The following MED25 variants were observed in gnomAD, a reference collection of about 807,000 sequenced individuals.
MED25 encodes mediator complex subunit 25.
MED25 carries 62 observed loss-of-function variants against 89.4 expected under a neutral mutation model. That is an observed-to-expected ratio of 0.69 (90% CI 0.57 to 0.86). The LOEUF (loss-of-function observed/expected upper bound fraction) is 0.86, where lower values mean the gene tolerates loss of function less well. Ranked by LOEUF, MED25 falls within the 40% of genes least tolerant of loss-of-function variation. The pLI, the probability that MED25 is intolerant of heterozygous loss-of-function variation, is 0.00. For synonymous variants in MED25, 449 were observed against 427.9 expected, an observed-to-expected ratio of 1.05 and a Z score of -0.61; for missense variants, 905 against 1,005.2, an observed-to-expected ratio of 0.90 and a Z score of 1.35.
intron 3 of MED25, among the ~76,000 whole-genome samples, chr19:49,826,904 C>T (rs895953957): frequency 2.6e-5 from 4 of 152,084 alleles, no homozygotes; most frequent in Admixed American, 6.5e-5. Flanking sequence ...TCGGAGGCCT[C>T]GGATGCTGGG....
chr19:49,824,410 C>A (rs1362898184), intron 3 of MED25, among the ~76,000 whole-genome samples: 2 of 151,966 alleles, frequency 1.3e-5, no homozygotes, highest in African/African-American at 4.8e-5. Flanking sequence ...GTATGTAATA[C>A]AAAAACAACA....
intron 3 of MED25, among the ~76,000 whole-genome samples, chr19:49,827,363 C>T (rs2074022608): frequency 6.6e-6 from 1 of 152,144 alleles, no homozygotes. Flanking sequence ...AGAAACTGGC[C>T]AGAAGAATGG....
intron 3 of MED25, among the ~76,000 whole-genome samples, chr19:49,827,167 A>G (rs2074021240): frequency 1.3e-5 from 2 of 152,294 alleles, no homozygotes; most frequent in Admixed American, 6.5e-5. Context: ...CGTCCCCTGC[A>G]GCAAAGGTCA....
Position 49,818,303 on chromosome 19 carries a change from G to C in MED25, c.-39G>C, listed in dbSNP as rs769303930. The C allele has an allele frequency of 1.9e-5, 29 of 1,557,064 alleles. No individual in the cohort carries two copies. The highest frequency in any genetic ancestry group is 2.1e-4 in the Middle Eastern group (1 of 4,844). On this transcript the variant is annotated 5_prime_UTR_variant, in exon 1 of 18. Coordinates refer to ENST00000312865, the MANE Select transcript of MED25 (RefSeq NM_030973.4). ...CATTTCTGCTCATTCCGCGGCGTCG[G>C]CTGCGGCTGCAGTGGTGGTGGCGGG...
In MED25 at chr19:49,831,246, C is replaced by T. The variant is rs942030373; in HGVS notation, c.1102-87C>T. The T allele has an allele frequency of 3.5e-6, 5 of 1,420,196 alleles. No individual in the cohort carries two copies. In the African/African-American group the frequency reaches 7.1e-5, roughly 20 times the overall value. The allele number at this position is 1,420,196 out of a possible 1,614,324, so 88.0% of individuals were successfully genotyped here. A position where few individuals can be genotyped will look rare whatever the true frequency, so the allele number is the denominator to read the frequency against. Reference sequence around the variant, plus strand: ...GGAGGGGCAGAAGAAGGGATCTTTCCTCCTTCCTGGTTTGCCCTCACAGGA... The same window carrying T: ...GGAGGGGCAGAAGAAGGGATCTTTCTTCCTTCCTGGTTTGCCCTCACAGGA... On this transcript the variant is annotated intron_variant, in intron 9 of 17. Transcript: ENST00000312865. The surrounding 1 kb of genome is among the most constrained non-coding windows in gnomAD (Gnocchi z 5.0).
chr19:49,825,861 A>G (rs934435613), intron 3 of MED25, among the ~76,000 whole-genome samples: 2 of 151,698 alleles, frequency 1.3e-5, no homozygotes, highest in Non-Finnish European at 2.9e-5. Context: ...CCCAAAGAGG[A>G]CACCCCATAT....
At position 49,830,596 on chromosome 19, in the gene MED25, G is replaced by A. The variant is rs747024482; in HGVS notation, c.905G>A (p.Arg302His). The change falls in exon 8 of 18, where the codon CGC becomes CAC. Residue 302 changes from arginine to histidine, a missense_variant and splice_region_variant. Arg to His is a conservative substitution (Grantham distance 29). Transcript: ENST00000312865. The surrounding 1 kb of genome is among the most constrained non-coding windows in gnomAD (Gnocchi z 4.6). ...AKNQKAGLGP[R>H]FSPITPLQQA... ...AACCAGAAGGCTGGGCTGGGCCCTCGCTGTGAGTCCTGGAGTGAGGATGAA... is the reference window on the plus strand; with the variant it reads ...AACCAGAAGGCTGGGCTGGGCCCTCACTGTGAGTCCTGGAGTGAGGATGAA... The A allele has an allele frequency of 9.9e-6, 16 of 1,613,996 alleles. No homozygotes were observed. The highest frequency in any genetic ancestry group is 1.7e-5 in the Admixed American group (1 of 59,998).
Position 49,818,289 on chromosome 19 carries a change from A to T in MED25, c.-53A>T, listed in dbSNP as rs1010639858. The T allele has an allele frequency of 7.6e-5, 118 of 1,542,978 alleles. No individual in the cohort carries two copies. In the East Asian group the frequency reaches 2.8e-3, roughly 36 times the overall value. ...GCGCGGCGCAGGCGCATTTCTGCTC[A>T]TTCCGCGGCGTCGGCTGCGGCTGCA... On this transcript the variant is annotated 5_prime_UTR_variant, in exon 1 of 18. Coordinates refer to ENST00000312865, the MANE Select transcript of MED25 (RefSeq NM_030973.4).
intron 3 of MED25, among the ~76,000 whole-genome samples, chr19:49,824,851 C>G (rs2123870695): frequency 6.6e-6 from 1 of 152,162 alleles, no homozygotes; most frequent in Non-Finnish European, 1.5e-5. Flanking sequence ...TCATTTTGAC[C>G]TCCTGGGGCT....
intron 4 of MED25, 147 bp downstream of exon 4, chr19:49,828,694 G>T (rs1019846028): frequency 1.2e-5 from 11 of 911,050 alleles, no homozygotes; most frequent in Non-Finnish European, 1.8e-5. Flanking sequence ...GGCTGCAGGT[G>T]TGTCCTTGGG....
rs1423872445 is a variant in MED25 at position 49,835,351 on chromosome 19, C to G, written c.1674+174C>G. Among the ~76,000 whole-genome samples, 1 of 152,196 alleles carries G rather than the reference C, an allele frequency of 6.6e-6. No homozygotes were observed. The highest frequency in any genetic ancestry group is 1.5e-5 in the Non-Finnish European group (1 of 68,042). ...CTCTCTCCTTTTTCAGCATCCACAT[C>G]AAAGCCCTGACACAGCTTCCTCCTG... On this transcript the variant is annotated intron_variant, in intron 14 of 17. Coordinates refer to ENST00000312865, the MANE Select transcript of MED25 (RefSeq NM_030973.4). This position sits in a 1 kb window ranked among gnomAD's most constrained non-coding sequence, Gnocchi z 6.2.
At chr19:49,821,660 T>TA (rs1221074793) in intron 3 of MED25, among the ~76,000 whole-genome samples, 1 of 151,706 alleles carries the variant, frequency 6.6e-6, no homozygotes, top group Non-Finnish European at 1.5e-5. Context: ...GTGCTGAAAT[T>TA]ACAGGCCTTA....
Position 49,830,976 on chromosome 19 carries a change from G to A in MED25, c.1101+89G>A. On this transcript the variant is annotated intron_variant, in intron 9 of 17. Transcript: ENST00000312865. This position sits in a 1 kb window ranked among gnomAD's most constrained non-coding sequence, Gnocchi z 4.6. ...GAGGATGAGTCATTTGCCTTCCAGG[G>A]GGATGTGGCTCTCGTGGTTCTGGGG... 7.1e-7 allele frequency: 1 copy of A among 1,403,636 alleles called. No homozygotes were observed. The highest frequency in any genetic ancestry group is 1.1e-5 in the South Asian group (1 of 87,058). The allele number at this position is 1,403,636 out of a possible 1,614,324, so 86.9% of individuals were successfully genotyped here.
Position 49,831,199 on chromosome 19 carries a change from G to A in MED25, c.1102-134G>A. ...TCCAAGCATTTGGGGTCCTGCGGCT[G>A]GCCAAGTGCTGTTCTGGGGATGGAG... is the stretch of plus-strand genomic sequence containing the variant. On this transcript the variant is annotated intron_variant, in intron 9 of 17. Transcript: ENST00000312865. This position sits in a 1 kb window ranked among gnomAD's most constrained non-coding sequence, Gnocchi z 5.0. 1 of 990,770 alleles carries A rather than the reference G, an allele frequency of 1.0e-6. No individual in the cohort carries two copies. Among genetic ancestry groups the A allele is most frequent in the Non-Finnish European group, 1.5e-6 (1 of 675,964 alleles). 61.4% of individuals were successfully genotyped at this position (990,770 alleles called of 1,614,324 possible).
downstream of MED25, chr19:49,838,492 C>T (rs1026570814): frequency 2.7e-5 from 12 of 438,072 alleles, no homozygotes; most frequent in Non-Finnish European, 5.5e-5. Context: ...GAGTCACTGC[C>T]TTTGTCACGG....
In MED25 at chr19:49,836,185, C is replaced by G. The variant is rs772681219; in HGVS notation, c.1966-41C>G. On this transcript the variant is annotated intron_variant, in intron 16 of 17. Transcript: ENST00000312865. The surrounding 1 kb of genome is among the most constrained non-coding windows in gnomAD (Gnocchi z 5.1). Reference sequence around the variant, plus strand: ...GTGTCTGTGTTGAGAGGTGGGGAGTCTCTACCAGGAGCCTCTGAGCCACTC... The same window carrying G: ...GTGTCTGTGTTGAGAGGTGGGGAGTGTCTACCAGGAGCCTCTGAGCCACTC... 1.9e-6 allele frequency: 3 copies of G among 1,602,980 alleles called. No individual in the cohort carries two copies. Among genetic ancestry groups the G allele is most frequent in the Non-Finnish European group, 2.6e-6 (3 of 1,173,404 alleles).
downstream of MED25, chr19:49,838,908 A>G (rs2074117212): frequency 5.2e-6 from 2 of 382,346 alleles, no homozygotes; most frequent in African/African-American, 4.2e-5. Flanking sequence ...TGACCTGGGC[A>G]TTCAGAGCTA....
At chr19:49,820,039 T>C (rs959724526) in intron 3 of MED25, 2 of 153,544 alleles carry the variant, frequency 1.3e-5, no homozygotes, top group Non-Finnish European at 2.9e-5. Flanking sequence ...TTTCACTGTG[T>C]TGGCCAGGCT....
rs2074039481 is a variant in MED25 at position 49,829,723 on chromosome 19, G to C, written c.526-63G>C. Reference sequence around the variant, plus strand: ...GCCACACAGCAGTTGTGGTAGGTTGGGGGCCGGCCCCAACACCCTTATGGA... The same window carrying C: ...GCCACACAGCAGTTGTGGTAGGTTGCGGGCCGGCCCCAACACCCTTATGGA... On this transcript the variant is annotated intron_variant, in intron 5 of 17. Transcript: ENST00000312865. The surrounding 1 kb of genome is among the most constrained non-coding windows in gnomAD (Gnocchi z 4.6). The C allele has an allele frequency of 6.6e-7, 1 of 1,518,164 alleles. No homozygotes were observed. The highest frequency in any genetic ancestry group is 8.9e-7 in the Non-Finnish European group (1 of 1,120,194). 94.0% of individuals were successfully genotyped at this position (1,518,164 alleles called of 1,614,324 possible).
Sources: allele counts gnomAD v4.1 joint callset (sites outside exome capture counted in the v4.1 genomes callset), GRCh38; gene constraint gnomAD v4.1.1; non-coding constraint Gnocchi (gnomAD v3.1); transcripts MANE v1.5; gene names NCBI Gene and HGNC (gene_info 2026-07-23, HGNC 2026-07-21).